Variants in SAMD3 observed in about 807,000 individuals in gnomAD.
The protein encoded by SAMD3 is sterile alpha motif domain-containing protein 3.
SAMD3 carries 63 observed loss-of-function variants against 58.5 expected under a neutral mutation model. The ratio of observed to expected loss-of-function variants is 1.08; its 90% confidence interval spans 0.88 to 1.33. The LOEUF (loss-of-function observed/expected upper bound fraction) is 1.33, where lower values mean the gene tolerates loss of function less well. Among genes scored for constraint, SAMD3 ranks in the 40% most tolerant of loss-of-function variants. The pLI, the probability that SAMD3 is intolerant of heterozygous loss-of-function variation, is 0.00. For missense variants in SAMD3, 604 were observed against 608.4 expected, an observed-to-expected ratio of 0.99 and a Z score of 0.08; for synonymous variants, 220 against 210.3, an observed-to-expected ratio of 1.05 and a Z score of -0.40.
chr6:130,334,429 C>G (rs189227617), intron 1 of SAMD3, among the ~76,000 whole-genome samples: 5 of 152,174 alleles, frequency 3.3e-5, no homozygotes, highest in Admixed American at 3.3e-4. Flanking sequence ...GGTAGATACC[C>G]ACATAGTTCA....
At position 130,189,777 on chromosome 6, in the gene SAMD3, A is replaced by T. The variant is rs564858074; in HGVS notation, c.384-5154T>A. 3.3e-5 allele frequency among the ~76,000 whole-genome samples: 5 copies of T among 152,368 alleles called. No individual in the cohort carries two copies. The East Asian group carries it at 9.6e-4, about 29-fold the overall frequency. On this transcript the variant is annotated intron_variant, in intron 5 of 11. Transcript: ENST00000439090. The stretch of plus-strand genomic sequence containing the variant: ...GCTGTCTCAGAAACATTAACCATAA[A>T]CATTAAACACATTTTAAAAAAATTA...
intron 8 of SAMD3, among the ~76,000 whole-genome samples, chr6:130,159,054 C>G (rs140519271): frequency 3.3e-5 from 5 of 152,306 alleles, no homozygotes; most frequent in African/African-American, 9.6e-5. Flanking sequence ...GGGGACCAAT[C>G]AGAGGTTGAT....
intron 2 of SAMD3, among the ~76,000 whole-genome samples, chr6:130,307,247 C>T (rs1245264795): frequency 6.6e-6 from 1 of 152,254 alleles, no homozygotes; most frequent in Non-Finnish European, 1.5e-5. Flanking sequence ...GGCATGAGAT[C>T]TGTGCAGGTC....
At chr6:130,169,980 A>G (rs1157336249) in intron 8 of SAMD3, among the ~76,000 whole-genome samples, 2 of 146,972 alleles carry the variant, frequency 1.4e-5, no homozygotes, top group Admixed American at 1.3e-4. Context: ...CTGAAAATCA[A>G]ATGTTTGAGA....
chr6:130,332,107 C>A (rs1776952455), intron 1 of SAMD3, among the ~76,000 whole-genome samples: 1 of 152,138 alleles, frequency 6.6e-6, no homozygotes, highest in South Asian at 2.1e-4. Flanking sequence ...AGTGATAGAA[C>A]TAGAACAGAG....
intron 2 of SAMD3, among the ~76,000 whole-genome samples, chr6:130,266,202 C>T (rs1351769984): frequency 6.6e-6 from 1 of 152,082 alleles, no homozygotes; most frequent in Non-Finnish European, 1.5e-5. Context: ...TTCAAACCTT[C>T]TATGATGAAC....
chr6:130,355,780 G>C (rs1379302514), intron 1 of SAMD3, among the ~76,000 whole-genome samples: 1 of 152,188 alleles, frequency 6.6e-6, no homozygotes, highest in African/African-American at 2.4e-5. Context: ...AGAGACAAGA[G>C]GGGCAGCCCC....
At chr6:130,344,548 AT>A (rs1443113614) in intron 1 of SAMD3, among the ~76,000 whole-genome samples, 3 of 151,996 alleles carry the variant, frequency 2.0e-5, no homozygotes, top group African/African-American at 4.8e-5. Flanking sequence ...GGCCTGGCTA[AT>A]TTTTGTATTT....
At chr6:130,202,238 G>A (rs901876202) in intron 5 of SAMD3, among the ~76,000 whole-genome samples, 3 of 152,138 alleles carry the variant, frequency 2.0e-5, no homozygotes, top group Non-Finnish European at 4.4e-5. Context: ...AAAGTTGAAA[G>A]GACTTCCCTG....
rs1792754540 is a variant in SAMD3, at chr6:130,184,627, T to G, written c.384-4A>C. The G allele has an allele frequency of 6.2e-7, 1 of 1,600,002 alleles. No homozygotes were observed. The highest frequency in any genetic ancestry group is 1.1e-5 in the South Asian group (1 of 89,606). On this transcript the variant is annotated splice_polypyrimidine_tract_variant and splice_region_variant and intron_variant, in intron 5 of 11. Transcript: ENST00000439090. ...TAGAATTTGTTTCACATTTCTTCTGTGAAATAAAAACACACAAAGAATGAA... is the reference window on the plus strand; with the variant it reads ...TAGAATTTGTTTCACATTTCTTCTGGGAAATAAAAACACACAAAGAATGAA...
At chr6:130,200,557 C>T (rs1456708119) in intron 5 of SAMD3, among the ~76,000 whole-genome samples, 1 of 97,244 alleles carries the variant, frequency 1.0e-5, no homozygotes, top group African/African-American at 4.0e-5. Context: ...CCCCGACCCA[C>T]AAAAAAAAAA....
intron 2 of SAMD3, among the ~76,000 whole-genome samples, chr6:130,294,762 G>C (rs1775498844): frequency 6.6e-6 from 1 of 150,782 alleles, no homozygotes; most frequent in African/African-American, 2.4e-5. Context: ...TCATCTCCAG[G>C]GTCAGTTTGC....
chr6:130,253,542 C>T (rs1773817478), intron 2 of SAMD3, among the ~76,000 whole-genome samples: 1 of 152,042 alleles, frequency 6.6e-6, no homozygotes, highest in Non-Finnish European at 1.5e-5. Flanking sequence ...AGTCTTCTGA[C>T]AGTTAAGAGA....
chr6:130,221,223 A>C (rs1305455848), intron 1 of SAMD3, among the ~76,000 whole-genome samples: 1 of 152,240 alleles, frequency 6.6e-6, no homozygotes, highest in African/African-American at 2.4e-5. Context: ...ATAATGCCTC[A>C]TAACACCTAC....
At chr6:130,336,312 A>C (rs1777099699) in intron 1 of SAMD3, among the ~76,000 whole-genome samples, 2 of 152,176 alleles carry the variant, frequency 1.3e-5, no homozygotes, top group Non-Finnish European at 2.9e-5. Context: ...TCACATTGCT[A>C]GGGTCACACA....
chr6:130,258,117 T>C (rs1476165215), intron 2 of SAMD3, among the ~76,000 whole-genome samples: 3 of 152,184 alleles, frequency 2.0e-5, no homozygotes, highest in African/African-American at 4.8e-5. Flanking sequence ...AATGGGCATG[T>C]TTTGACTATT....
At chr6:130,283,997 C>T (rs1185568338) in intron 2 of SAMD3, among the ~76,000 whole-genome samples, 5 of 152,116 alleles carry the variant, frequency 3.3e-5, no homozygotes, top group African/African-American at 9.7e-5. Flanking sequence ...TGATAAGAGG[C>T]GTGTGCCATC....
At chr6:130,350,521 T>A (rs900772786) in intron 1 of SAMD3, among the ~76,000 whole-genome samples, 3 of 152,086 alleles carry the variant, frequency 2.0e-5, no homozygotes, top group African/African-American at 7.2e-5. Context: ...ACAAGGGACA[T>A]GAAGGACCTC....
intron 8 of SAMD3, among the ~76,000 whole-genome samples, chr6:130,174,601 T>C (rs1791554189): frequency 6.6e-6 from 1 of 152,230 alleles, no homozygotes; most frequent in South Asian, 2.1e-4. Flanking sequence ...ACTGGAGCTG[T>C]TCCTATTCGG....
Sources: gnomAD v4.1 joint callset for allele counts (sites outside exome capture counted in the v4.1 genomes callset) on GRCh38, gnomAD v4.1.1 for gene constraint, MANE v1.5 for transcripts, NCBI Gene and HGNC (gene_info 2026-07-23, HGNC 2026-07-21) for gene names.